CFI: variants seen among roughly 807,000 people sequenced by gnomAD.
CFI encodes complement factor I, also known as C3B/C4B inactivator.
In CFI, 66 loss-of-function variants were observed where a neutral mutation model predicts 78.8. That is an observed-to-expected ratio of 0.84 (90% CI 0.69 to 1.03). CFI has a LOEUF of 1.03. CFI is among the 50% of genes least tolerant of loss of function. The pLI is 0.00. For synonymous variants in CFI, 250 were observed against 232.6 expected, an observed-to-expected ratio of 1.07 and a Z score of -0.68; for missense variants, 706 against 704.5, an observed-to-expected ratio of 1.00 and a Z score of -0.02.
intron 8 of CFI, among the ~76,000 whole-genome samples, chr4:109,750,900 A>C (rs1053945987): frequency 6.6e-6 from 1 of 152,136 alleles, no homozygotes; most frequent in African/African-American, 2.4e-5. Flanking sequence ...TTTCCAGTTT[A>C]TCTATTATTC....
intron 1 of CFI, among the ~76,000 whole-genome samples, chr4:109,771,622 G>A (rs1728605517): frequency 6.7e-6 from 1 of 148,696 alleles, no homozygotes; most frequent in African/African-American, 2.5e-5. Flanking sequence ...GCTGAGGCAG[G>A]GGAATTGCTT....
rs147730745 is a variant in CFI, at chr4:109,766,356, C to T, written c.328+198G>A. 2.8e-4 allele frequency among the ~76,000 whole-genome samples: 43 copies of T among 152,270 alleles called. 1 individual carries two copies. Among genetic ancestry groups the T allele is most frequent in the East Asian group, 1.9e-3 (10 of 5,178 alleles). On this transcript the variant is annotated intron_variant, in intron 2 of 12. Transcript: ENST00000394634. Reference sequence around the variant, plus strand: ...AGGAAGGTCTGGACTCAGCATCCCACGCTCTGCACTCAAAGGCTGGCTGGA... The same window carrying T: ...AGGAAGGTCTGGACTCAGCATCCCATGCTCTGCACTCAAAGGCTGGCTGGA...
chr4:109,794,102 G>GT (rs891906811), intron 1 of CFI: 70 of 152,298 alleles, frequency 4.6e-4, no homozygotes, highest in African/African-American at 1.7e-3. Flanking sequence ...ATTATAATGT[G>GT]TCTTGGTTTG....
intron 1 of CFI, among the ~76,000 whole-genome samples, chr4:109,793,114 CT>C (rs1176763235): frequency 6.6e-6 from 1 of 151,412 alleles, no homozygotes; most frequent in Non-Finnish European, 1.5e-5. Context: ...TCTTTATTTC[CT>C]TCTGTGTATA....
downstream of CFI, chr4:109,740,650 C>T (rs979864650): frequency 5.9e-6 from 3 of 511,394 alleles, no homozygotes; most frequent in South Asian, 2.0e-5. Flanking sequence ...TAAATCACTC[C>T]CGCATTGAGA....
In CFI at chr4:109,788,718, G is replaced by T. The variant is rs182325821; in HGVS notation, c.57+13197C>A. ...AGGAATAATGAATTATGAAGAAAAT[G>T]CAAAGTGAACATTTTTAAATGGAAA... On this transcript the variant is annotated intron_variant, in intron 1 of 12. Transcript: ENST00000394634. Among the ~76,000 whole-genome samples the T allele has an allele frequency of 2.4e-4, 36 of 152,004 alleles. No homozygotes were observed. The East Asian group carries it at 6.4e-3, about 27-fold the overall frequency.
chr4:109,756,925 GAAA>G, intron 7 of CFI, among the ~76,000 whole-genome samples: 1 of 142,222 alleles, frequency 7.0e-6, no homozygotes, highest in East Asian at 2.2e-4. Context: ...AAGAAAGAAA[GAAA>G]GAAAGAAAGA....
chr4:109,764,396 C>T, intron 3 of CFI, 141 bp downstream of exon 3: 3 of 936,938 alleles, frequency 3.2e-6, no homozygotes, highest in South Asian at 1.3e-5. Flanking sequence ...GCATATCATC[C>T]TCATAACAAT....
At chr4:109,793,148 G>T (rs778805918) in intron 1 of CFI, among the ~76,000 whole-genome samples, 1 of 150,932 alleles carries the variant, frequency 6.6e-6, no homozygotes. Flanking sequence ...TTTCTTTTTC[G>T]GTACTATGGA....
At chr4:109,771,936 T>C (rs763861133) in intron 1 of CFI, among the ~76,000 whole-genome samples, 6 of 151,964 alleles carry the variant, frequency 3.9e-5, no homozygotes, top group Non-Finnish European at 7.4e-5. Context: ...AGGGGGAAAT[T>C]GTTGAAACAA....
chr4:109,748,622 G>C (rs1390256409), intron 10 of CFI, among the ~76,000 whole-genome samples: 1 of 152,128 alleles, frequency 6.6e-6, no homozygotes, highest in African/African-American at 2.4e-5. Context: ...ATATATGAAG[G>C]TCCCTTTGCA....
In CFI at chr4:109,753,721, T is replaced by C. The variant is rs1238996722; in HGVS notation, c.905-1218A>G. The stretch of plus-strand genomic sequence containing the variant: ...TAATTTTATATTATATATTATATAA[T>C]GTATAATTTTATATTATATATTATC... On this transcript the variant is annotated intron_variant, in intron 7 of 12. Transcript: ENST00000394634. Among the ~76,000 whole-genome samples, 508 of 118,912 alleles carry C rather than the reference T, an allele frequency of 4.3e-3. 12 individuals are homozygous for C. The highest frequency in any genetic ancestry group is 0.017 in the African/African-American group (483 of 28,156). The allele number at this position is 118,912 out of a possible 152,430, so 78.0% of individuals were successfully genotyped here.
At chr4:109,756,978 A>AAAGAAAGAAATT (rs1561298201) in intron 7 of CFI, among the ~76,000 whole-genome samples, 3 of 143,508 alleles carry the variant, frequency 2.1e-5, no homozygotes, top group Admixed American at 6.9e-5. Flanking sequence ...AGAAAGAAAG[A>AAAGAAAGAAATT]AATTCTGAGG....
At position 109,776,516 on chromosome 4, in the gene CFI, G is replaced by A. The variant is rs529011144; in HGVS notation, c.58-9692C>T. ...TCTGATTGATGTACCTGAAAGTGACGAGGAGAATGGAACCAAGCTGGAAAA... is the reference window on the plus strand; with the variant it reads ...TCTGATTGATGTACCTGAAAGTGACAAGGAGAATGGAACCAAGCTGGAAAA... On this transcript the variant is annotated intron_variant, in intron 1 of 12. Coordinates refer to ENST00000394634, the MANE Select transcript of CFI (RefSeq NM_000204.5). Among the ~76,000 whole-genome samples the A allele has an allele frequency of 2.1e-3, 317 of 152,292 alleles. 1 individual carries two copies. The highest frequency in any genetic ancestry group is 6.9e-3 in the African/African-American group (288 of 41,544).
chr4:109,785,520 AC>A (rs1327159851), intron 1 of CFI, among the ~76,000 whole-genome samples: 5 of 151,776 alleles, frequency 3.3e-5, no homozygotes, highest in African/African-American at 1.2e-4. Context: ...CCCCACCCAC[AC>A]TTTTTTGCTC....
intron 1 of CFI, among the ~76,000 whole-genome samples, chr4:109,785,918 C>T (rs1033888085): frequency 7.2e-5 from 11 of 151,988 alleles, no homozygotes; most frequent in Non-Finnish European, 1.5e-4. Flanking sequence ...TTCCTGAGGC[C>T]TCCCCAGCCA....
chr4:109,790,168 C>T (rs927527456), intron 1 of CFI, among the ~76,000 whole-genome samples: 1 of 151,942 alleles, frequency 6.6e-6, no homozygotes, highest in Non-Finnish European at 1.5e-5. Context: ...TCCAATTTCA[C>T]TTCTGATTTT....
At chr4:109,776,828 A>C (rs1320879428) in intron 1 of CFI, among the ~76,000 whole-genome samples, 3 of 152,250 alleles carry the variant, frequency 2.0e-5, no homozygotes, top group Non-Finnish European at 4.4e-5. Context: ...CAACATTCTT[A>C]AAGAAAAGAA....
intron 1 of CFI, among the ~76,000 whole-genome samples, chr4:109,787,229 A>G (rs1259374592): frequency 6.6e-6 from 1 of 152,156 alleles, no homozygotes; most frequent in African/African-American, 2.4e-5. Context: ...AAACTTTCAA[A>G]AACAGCCAAC....
Sources: gnomAD v4.1 joint callset for allele counts (sites outside exome capture counted in the v4.1 genomes callset) on GRCh38, gnomAD v4.1.1 for gene constraint, MANE v1.5 for transcripts, NCBI Gene and HGNC (gene_info 2026-07-23, HGNC 2026-07-21) for gene names.